The following IL20RB variants were observed in gnomAD, a reference collection of about 807,000 sequenced individuals.
IL20RB encodes interleukin-20 receptor subunit beta.
IL20RB carries 21 observed loss-of-function variants against 33.3 expected under a neutral mutation model. That is an observed-to-expected ratio of 0.63 (90% CI 0.45 to 0.91). IL20RB has a LOEUF of 0.91. Ranked by LOEUF, IL20RB falls within the 40% of genes least tolerant of loss-of-function variation. The pLI is 0.00. For synonymous variants in IL20RB, 147 were observed against 146.8 expected (o/e 1.00, Z -0.01); for missense variants, 345 against 384.8 (o/e 0.90, Z 0.86).
intron 5 of IL20RB, among the ~76,000 whole-genome samples, chr3:136,994,859 C>T (rs755778652): frequency 1.2e-4 from 19 of 152,286 alleles, no homozygotes; most frequent in Non-Finnish European, 2.1e-4. Flanking sequence ...AGCAACTACA[C>T]GTCCAGCCCC....
chr3:136,993,936 C>A (rs1942079504), intron 5 of IL20RB, among the ~76,000 whole-genome samples: 2 of 151,828 alleles, frequency 1.3e-5, no homozygotes, highest in Non-Finnish European at 2.9e-5. Flanking sequence ...TCGCTTGAAC[C>A]CAGGAGGCAG....
At chr3:136,992,694 TA>T (rs1039485719) in intron 5 of IL20RB, among the ~76,000 whole-genome samples, 1 of 152,292 alleles carries the variant, frequency 6.6e-6, no homozygotes, top group Non-Finnish European at 1.5e-5. Context: ...AAAATAGAAC[TA>T]TTTTTTTAAA....
At chr3:137,009,264 T>C (rs988727988) in intron 6 of IL20RB, among the ~76,000 whole-genome samples, 4 of 152,210 alleles carry the variant, frequency 2.6e-5, no homozygotes, top group African/African-American at 9.6e-5. Context: ...GAGATAACTG[T>C]AGAAGAACCT....
chr3:137,002,617 G>T (rs1476959848), intron 6 of IL20RB, among the ~76,000 whole-genome samples: 22 of 148,296 alleles, frequency 1.5e-4, no homozygotes, highest in Admixed American at 3.4e-4. Flanking sequence ...CTTTTTGATG[G>T]TTTTTTTTTT....
At chr3:137,008,188 A>G (rs561973779) in intron 6 of IL20RB, among the ~76,000 whole-genome samples, 3 of 152,214 alleles carry the variant, frequency 2.0e-5, no homozygotes, top group African/African-American at 4.8e-5. Flanking sequence ...TAATTCTTCA[A>G]TGAACCGTCC....
At position 136,992,055 on chromosome 3, in the gene IL20RB, G is replaced by C. The variant is rs775235617; in HGVS notation, c.649G>C (p.Ala217Pro). ...TFVKAIGRYS[A>P]FSQTECVEVQ... is the part of the protein sequence containing the mutation. Reference sequence around the variant, plus strand: ...CGTGAAGGCCATTGGGAGGTACAGCGCCTTCAGCCAGACAGAATGTGTGGA... The same window carrying C: ...CGTGAAGGCCATTGGGAGGTACAGCCCCTTCAGCCAGACAGAATGTGTGGA... The change falls in exon 5 of 7, where the codon GCC (alanine) becomes CCC (proline). Residue 217 changes from alanine to proline, a missense_variant. Coordinates refer to ENST00000329582, the MANE Select transcript of IL20RB (RefSeq NM_144717.4). 1 of 1,614,166 alleles carries C rather than the reference G, an allele frequency of 6.2e-7. No individual in the cohort carries two copies. The highest frequency in any genetic ancestry group is 2.2e-5 in the East Asian group (1 of 44,882).
At chr3:136,960,448 G>C (rs774828835) in intron 1 of IL20RB, among the ~76,000 whole-genome samples, 19 of 152,044 alleles carry the variant, frequency 1.2e-4, no homozygotes, top group Non-Finnish European at 2.5e-4. Flanking sequence ...ATCCGGCCAT[G>C]GCTGTCTTTC....
rs78358408 is a variant in IL20RB, at chr3:136,989,738, G to T, written c.531+173G>T. Among the ~76,000 whole-genome samples the T allele has an allele frequency of 1.5e-4, 23 of 152,302 alleles. No individual in the cohort carries two copies. In the East Asian group the frequency reaches 4.4e-3, roughly 29 times the overall value. On this transcript the variant is annotated intron_variant, in intron 4 of 6. Transcript: ENST00000329582. The stretch of plus-strand genomic sequence containing the variant: ...CCACCCCATCAGCCTCTTCTCCAAA[G>T]AACTTCCTTGGTCCATTCAATCATG...
chr3:136,977,538 T>G (rs907921785), intron 1 of IL20RB, among the ~76,000 whole-genome samples: 3 of 152,204 alleles, frequency 2.0e-5, no homozygotes, highest in Non-Finnish European at 4.4e-5. Flanking sequence ...AATATAATTT[T>G]TTTTTGAGAT....
chr3:136,984,104 G>A (rs754602174), intron 3 of IL20RB, among the ~76,000 whole-genome samples: 1 of 152,208 alleles, frequency 6.6e-6, no homozygotes, highest in Non-Finnish European at 1.5e-5. Context: ...CTCACGAAGT[G>A]CTGGGATTAT....
At chr3:136,961,358 T>C (rs745815189) in intron 1 of IL20RB, among the ~76,000 whole-genome samples, 1 of 152,022 alleles carries the variant, frequency 6.6e-6, no homozygotes, top group African/African-American at 2.4e-5. Flanking sequence ...AAGTCTAGAT[T>C]TGTGGTTCCC....
Position 137,010,279 on chromosome 3 carries a change from A to G in IL20RB, c.*56A>G, listed in dbSNP as rs1933058219. ...ACCTGGTCTGCATGACATGGAAACC[A>G]TGAGGGGACAAGTTGTGTTTCTGTT... is the stretch of plus-strand genomic sequence containing the variant. On this transcript the variant is annotated 3_prime_UTR_variant, in exon 7 of 7. Transcript: ENST00000329582. 4.9e-6 allele frequency: 4 copies of G among 820,890 alleles called. No individual in the cohort carries two copies. Among genetic ancestry groups the G allele is most frequent in the Non-Finnish European group, 8.6e-6 (4 of 464,566 alleles). The allele number at this position is 820,890 out of a possible 1,614,324, so 50.9% of individuals were successfully genotyped here. A position where few individuals can be genotyped will look rare whatever the true frequency, so the allele number is the denominator to read the frequency against.
intron 6 of IL20RB, among the ~76,000 whole-genome samples, chr3:137,006,662 C>T (rs913296533): frequency 5.3e-5 from 8 of 152,108 alleles, no homozygotes; most frequent in Admixed American, 1.3e-4. Flanking sequence ...TCTAGTTAGC[C>T]ATTTGTCTAA....
chr3:136,963,896 A>G (rs1196131110), intron 1 of IL20RB, among the ~76,000 whole-genome samples: 1 of 76,886 alleles, frequency 1.3e-5, no homozygotes, highest in African/African-American at 5.1e-5. Context: ...TCCTGTGTCC[A>G]TGTGATCTCA....
At chr3:137,001,132 C>T (rs1942234574) in intron 6 of IL20RB, among the ~76,000 whole-genome samples, 1 of 152,150 alleles carries the variant, frequency 6.6e-6, no homozygotes, top group Non-Finnish European at 1.5e-5. Flanking sequence ...AACGAAATAG[C>T]TTAGATGAGA....
intron 5 of IL20RB, among the ~76,000 whole-genome samples, chr3:136,993,665 G>A (rs1427109606): frequency 6.6e-6 from 1 of 151,422 alleles, no homozygotes; most frequent in African/African-American, 2.4e-5. Flanking sequence ...GTGAGAACAT[G>A]CAGTGTATGG....
chr3:137,000,702 G>T (rs773099289), intron 6 of IL20RB, among the ~76,000 whole-genome samples: 1 of 152,178 alleles, frequency 6.6e-6, no homozygotes, highest in Non-Finnish European at 1.5e-5. Context: ...GTAATGGTAG[G>T]GAGCATTTCT....
At chr3:137,000,989 G>A (rs1356676654) in intron 6 of IL20RB, among the ~76,000 whole-genome samples, 1 of 152,194 alleles carries the variant, frequency 6.6e-6, no homozygotes, top group African/African-American at 2.4e-5. Flanking sequence ...AGGGTAAAGA[G>A]ACAGGGAAAG....
chr3:136,969,599 C>T (rs1051477712), intron 1 of IL20RB, among the ~76,000 whole-genome samples: 4 of 149,882 alleles, frequency 2.7e-5, no homozygotes, highest in African/African-American at 9.8e-5. Flanking sequence ...CACTGTCTGG[C>T]ACTCCCTAGT....
Sources: allele counts gnomAD v4.1 joint callset (sites outside exome capture counted in the v4.1 genomes callset), GRCh38; gene constraint gnomAD v4.1.1; transcripts MANE v1.5; gene names NCBI Gene and HGNC (gene_info 2026-07-23, HGNC 2026-07-21).